Variants in NFIC observed in about 807,000 individuals in gnomAD.
The protein encoded by NFIC is nuclear factor 1 C-type.
Under a neutral mutation model 54.4 loss-of-function variants are expected in NFIC, and 12 were observed. That is an observed-to-expected ratio of 0.22 (90% CI 0.14 to 0.36). NFIC has a LOEUF of 0.36. Ranked by LOEUF, NFIC falls within the 10% of genes least tolerant of loss-of-function variation. The probability of loss-of-function intolerance (pLI) is 1.00; values close to 1 mark genes in which losing one functional copy is unlikely to be tolerated. For missense variants in NFIC, 575 were observed against 718.2 expected, an observed-to-expected ratio of 0.80 and a Z score of 2.28; for synonymous variants, 322 against 319.2, an observed-to-expected ratio of 1.01 and a Z score of -0.09.
At chr19:3,382,408 G>T (rs919890675) in intron 2 of NFIC, among the ~76,000 whole-genome samples, 165 bp downstream of exon 2, 1 of 152,056 alleles carries the variant, frequency 6.6e-6, no homozygotes, top group Non-Finnish European at 1.5e-5. Flanking sequence ...GCGACACGGG[G>T]CACGGAGCAT....
chr19:3,409,090 A>G (rs890015581), intron 2 of NFIC, among the ~76,000 whole-genome samples: 4 of 151,902 alleles, frequency 2.6e-5, no homozygotes, highest in Non-Finnish European at 5.9e-5. Context: ...TCCTCTTCCC[A>G]CTGCAGGATA....
upstream of NFIC, among the ~76,000 whole-genome samples, chr19:3,365,747 G>A (rs961145313): frequency 1.3e-5 from 2 of 152,172 alleles, no homozygotes; most frequent in African/African-American, 4.8e-5. Flanking sequence ...CCGTCCTCCT[G>A]GGGTGCTGGA....
chr19:3,426,445 A>G (rs1262038806), intron 3 of NFIC, among the ~76,000 whole-genome samples: 1 of 152,024 alleles, frequency 6.6e-6, no homozygotes, highest in African/African-American at 2.4e-5. Context: ...GAAGTGGGAA[A>G]ATTAACCTCA....
At chr19:3,432,768 G>A (rs1311565423) in intron 3 of NFIC, among the ~76,000 whole-genome samples, 2 of 150,300 alleles carry the variant, frequency 1.3e-5, no homozygotes, top group Non-Finnish European at 3.0e-5. Flanking sequence ...TCCACCTCTC[G>A]GGTTCACACC....
At chr19:3,443,405 AGC>A (rs1413714690) in intron 6 of NFIC, among the ~76,000 whole-genome samples, 1 of 151,954 alleles carries the variant, frequency 6.6e-6, no homozygotes, top group East Asian at 1.9e-4. Context: ...TCTGGGCAAC[AGC>A]GTGAGACCCT....
chr19:3,386,831 C>T (rs777036965), intron 2 of NFIC, among the ~76,000 whole-genome samples: 10 of 152,134 alleles, frequency 6.6e-5, no homozygotes, highest in African/African-American at 1.4e-4. Context: ...TCTGCTGGCA[C>T]GGTGTGGTCA....
At chr19:3,428,793 G>A (rs1269038467) in intron 3 of NFIC, among the ~76,000 whole-genome samples, 1 of 152,074 alleles carries the variant, frequency 6.6e-6, no homozygotes, top group East Asian at 1.9e-4. Flanking sequence ...CTGAGCAGGC[G>A]CTGCACAAAC....
rs539916342 is a variant in NFIC, at chr19:3,439,333, C to CAAAAAAAAAAA, written c.958+4158_958+4168dup. On this transcript the variant is annotated intron_variant, in intron 6 of 10. Coordinates refer to ENST00000443272, the MANE Select transcript of NFIC (RefSeq NM_001245002.2). ...GGGGCAACAGAGAAAGACCCTGTCT[C>CAAAAAAAAAAA]AAAAAAAAAAAAAAAAAAAAAAAAA... Among the ~76,000 whole-genome samples the CAAAAAAAAAAA allele has an allele frequency of 2.1e-4, 5 of 23,326 alleles. 2 individuals carry two copies. The highest frequency in any genetic ancestry group is 2.5e-4 in the Non-Finnish European group (3 of 11,962). The allele number at this position is 23,326 out of a possible 152,430, so 15.3% of individuals were successfully genotyped here.
At chr19:3,393,163 G>A (rs910477443) in intron 2 of NFIC, among the ~76,000 whole-genome samples, 6 of 151,944 alleles carry the variant, frequency 3.9e-5, no homozygotes. Flanking sequence ...CTGACCTCGT[G>A]ATCCACCCAC....
At chr19:3,385,582 T>TC (rs2081284016) in intron 2 of NFIC, among the ~76,000 whole-genome samples, 1 of 149,040 alleles carries the variant, frequency 6.7e-6, no homozygotes, top group East Asian at 2.0e-4. Context: ...TGTTTTTTTT[T>TC]TTTTTTTTGA....
At chr19:3,446,926 T>TGAGGTGG (rs2082381635) in intron 6 of NFIC, among the ~76,000 whole-genome samples, 2 of 151,742 alleles carry the variant, frequency 1.3e-5, no homozygotes, top group Admixed American at 1.3e-4. Context: ...CCTGGGAGGC[T>TGAGGTGG]GAGGTGGGAG....
intron 6 of NFIC, among the ~76,000 whole-genome samples, chr19:3,447,450 C>T (rs1248881208): frequency 6.6e-6 from 1 of 152,154 alleles, no homozygotes; most frequent in East Asian, 1.9e-4. Context: ...GTGAAAGTGT[C>T]AAGGGGCACC....
chr19:3,392,767 G>A (rs1009746303), intron 2 of NFIC, among the ~76,000 whole-genome samples: 4 of 152,164 alleles, frequency 2.6e-5, no homozygotes, highest in African/African-American at 7.2e-5. Context: ...CCAGCTGGGC[G>A]AGGGCAGGAA....
chr19:3,410,107 C>T (rs1265798138), intron 2 of NFIC, among the ~76,000 whole-genome samples: 3 of 151,966 alleles, frequency 2.0e-5, no homozygotes, highest in Non-Finnish European at 4.4e-5. Context: ...GTGGTTCGAT[C>T]TCGGCTCACT....
At chr19:3,450,945 C>T (rs1227644016) in intron 7 of NFIC, among the ~76,000 whole-genome samples, 1 of 152,202 alleles carries the variant, frequency 6.6e-6, no homozygotes, top group African/African-American at 2.4e-5. Context: ...GCAGCTCTCA[C>T]CCTGTCTTGG....
rs10617203 is a variant in NFIC at position 3,465,430 on chromosome 19, T to TAAAAAAAAAAAAAAAAAAAAAAAAC, written c.*2685_*2686insCAAAAAAAAAAAAAAAAAAAAAAAA. On this transcript the variant is annotated 3_prime_UTR_variant, in exon 11 of 11. Transcript: ENST00000443272. Reference sequence around the variant, plus strand: ...AATAAAAAATAAGAAAGTGAGAATCTAAAAAAAAAAAAAAAAAAAAAAAAG... The same window carrying TAAAAAAAAAAAAAAAAAAAAAAAAC: ...AATAAAAAATAAGAAAGTGAGAATCTAAAAAAAAAAAAAAAAAAAAAAAACAAAAAAAAAAAAAAAAAAAAAAAAG... The TAAAAAAAAAAAAAAAAAAAAAAAAC allele has an allele frequency of 1.6e-5, 1 of 60,812 alleles. No homozygotes were observed. The highest frequency in any genetic ancestry group is 3.4e-5 in the Non-Finnish European group (1 of 29,442). The allele number at this position is 60,812 out of a possible 1,614,324, so 3.8% of individuals were successfully genotyped here. A position where few individuals can be genotyped will look rare whatever the true frequency, so the allele number is the denominator to read the frequency against.
chr19:3,449,169 G>T, intron 7 of NFIC, 30 bp downstream of exon 7: 1 of 1,600,792 alleles, frequency 6.2e-7, no homozygotes, highest in Non-Finnish European at 8.5e-7. Context: ...GGCGGGGAGG[G>T]GCGGCGGGCC....
At chr19:3,431,937 G>A (rs1051909996) in intron 3 of NFIC, among the ~76,000 whole-genome samples, 1 of 152,158 alleles carries the variant, frequency 6.6e-6, no homozygotes, top group African/African-American at 2.4e-5. Flanking sequence ...AACATTCGTG[G>A]ACTTTTGCTG....
intron 6 of NFIC, among the ~76,000 whole-genome samples, chr19:3,446,133 G>C (rs538734567): frequency 6.6e-6 from 1 of 152,320 alleles, no homozygotes; most frequent in Non-Finnish European, 1.5e-5. Context: ...CCAGACACCA[G>C]AAGAAGCTCC....
Sources: gnomAD v4.1 joint callset for allele counts (sites outside exome capture counted in the v4.1 genomes callset) on GRCh38, gnomAD v4.1.1 for gene constraint, MANE v1.5 for transcripts, NCBI Gene and HGNC (gene_info 2026-07-23, HGNC 2026-07-21) for gene names.